The following RC3H2 variants were observed in gnomAD, a reference collection of about 807,000 sequenced individuals.
RC3H2 encodes ring finger and CCCH-type domains 2.
In RC3H2, 31 loss-of-function variants were observed where a neutral mutation model predicts 133.3. That is an observed-to-expected ratio of 0.23 (90% CI 0.17 to 0.31). The LOEUF is 0.31. Among genes scored for constraint, RC3H2 ranks in the 10% least tolerant of loss-of-function variants. The pLI is 1.00. For synonymous variants in RC3H2, 517 were observed against 502.2 expected (o/e 1.03, Z -0.40); for missense variants, 1,175 against 1,437.2 (o/e 0.82, Z 2.95).
chr9:122,882,111 GA>G (rs1831671319), intron 5 of RC3H2, among the ~76,000 whole-genome samples: 1 of 152,016 alleles, frequency 6.6e-6, no homozygotes, highest in African/African-American at 2.4e-5. Flanking sequence ...ATGAAAAGAA[GA>G]AATGTTCTGC....
chr9:122,861,285 G>A (rs1427763763), intron 10 of RC3H2, among the ~76,000 whole-genome samples: 1 of 151,992 alleles, frequency 6.6e-6, no homozygotes, highest in East Asian at 1.9e-4. Context: ...GAGGTTGGGA[G>A]TTCGCGACCA....
At position 122,851,140 on chromosome 9, in the gene RC3H2, C is replaced by T. The variant is rs969453014; in HGVS notation, c.3321G>A (p.Gln1107=). 1.2e-6 allele frequency: 2 copies of T among 1,614,070 alleles called. No individual in the cohort carries two copies. The highest frequency in any genetic ancestry group is 1.3e-5 in the African/African-American group (1 of 74,928). ...MAVENGHPVQ[Q]HQKEPPKQKK... Reference sequence around the variant, plus strand: ...TCTGCTTTGGTGGCTCCTTTTGGTGCTGCTGTACTGGATGCCCATTTTCCA... The same window carrying T: ...TCTGCTTTGGTGGCTCCTTTTGGTGTTGCTGTACTGGATGCCCATTTTCCA... Residue 1107 remains glutamine (Q), a synonymous_variant, in exon 20 of 21, where the codon CAG becomes CAA. Transcript: ENST00000357244.
At chr9:122,905,064 C>A in intron 1 of RC3H2, 46 bp downstream of exon 1, 1 of 983,262 alleles carries the variant, frequency 1.0e-6, no homozygotes, top group Non-Finnish European at 1.2e-6. Flanking sequence ...GGGGACCAGG[C>A]ACCCGGGCTG....
Position 122,847,086 on chromosome 9 carries a change from A to G in RC3H2, c.*2541T>C, listed in dbSNP as rs1385758401. 2 of 152,178 alleles carry G rather than the reference A, an allele frequency of 1.3e-5. No homozygotes were observed. Among genetic ancestry groups the G allele is most frequent in the Non-Finnish European group, 2.9e-5 (2 of 68,004 alleles). The allele number at this position is 152,178 out of a possible 1,614,324, so 9.4% of individuals were successfully genotyped here. Reference sequence around the variant, plus strand: ...TTATGGGATCACCTGCTGCAAGACAAGCATTATTTTAATATAAATGTTCTG... The same window carrying G: ...TTATGGGATCACCTGCTGCAAGACAGGCATTATTTTAATATAAATGTTCTG... On this transcript the variant is annotated 3_prime_UTR_variant, in exon 21 of 21. Transcript: ENST00000357244.
intron 11 of RC3H2, among the ~76,000 whole-genome samples, chr9:122,859,575 G>C (rs1211924419): frequency 6.6e-6 from 1 of 151,906 alleles, no homozygotes; most frequent in Non-Finnish European, 1.5e-5. Flanking sequence ...AACTTTTTTG[G>C]GAGCAGACGT....
At chr9:122,865,861 A>G (rs1830625344) in intron 9 of RC3H2, among the ~76,000 whole-genome samples, 1 of 152,106 alleles carries the variant, frequency 6.6e-6, no homozygotes. Flanking sequence ...ATTCACATAT[A>G]ATATACATGT....
intron 15 of RC3H2, 68 bp downstream of exon 15, chr9:122,855,116 T>TA (rs5900548): frequency 0.017 from 16,225 of 942,680 alleles, 22 homozygotes; most frequent in African/African-American, 0.027. Context: ...CTGTCTCAAT[T>TA]AAAAAAAAAA....
intron 11 of RC3H2, 49 bp downstream of exon 11, chr9:122,859,867 TA>T: frequency 7.2e-7 from 1 of 1,385,344 alleles, no homozygotes; most frequent in Non-Finnish European, 1.0e-6. Flanking sequence ...TTCATTTATC[TA>T]AAGGAAACAA....
At chr9:122,852,305 C>T (rs1193558860) in intron 18 of RC3H2, among the ~76,000 whole-genome samples, 4 of 150,308 alleles carry the variant, frequency 2.7e-5, no homozygotes, top group African/African-American at 4.8e-5. Context: ...GCCCGGCAGC[C>T]GCCCCGTCTG....
At chr9:122,885,476 G>T (rs1391227262) in intron 4 of RC3H2, among the ~76,000 whole-genome samples, 1 of 152,126 alleles carries the variant, frequency 6.6e-6, no homozygotes, top group Non-Finnish European at 1.5e-5. Flanking sequence ...GGCTACTGAG[G>T]TCCAGAGAAG....
chr9:122,858,280 G>C (rs1370241503), intron 12 of RC3H2, among the ~76,000 whole-genome samples, 187 bp from the exon 13 acceptor site: 1 of 152,154 alleles, frequency 6.6e-6, no homozygotes, highest in African/African-American at 2.4e-5. Context: ...GATGTTAAAC[G>C]CAGAATCTGA....
intron 9 of RC3H2, among the ~76,000 whole-genome samples, chr9:122,868,898 T>G (rs1255748376): frequency 1.3e-5 from 1 of 77,554 alleles, no homozygotes; most frequent in African/African-American, 4.6e-5. Context: ...TGTATGTGTT[T>G]TTTTTTTTTT....
chr9:122,858,040 T>G lies in RC3H2; in HGVS notation c.2337A>C (p.Pro779=), dbSNP rs1830317781. 1 of 1,614,118 alleles carries G rather than the reference T, an allele frequency of 6.2e-7. No individual in the cohort carries two copies. Among genetic ancestry groups the G allele is most frequent in the South Asian group, 1.1e-5 (1 of 91,094 alleles). The change falls in exon 13 of 21, where the codon CCA becomes CCC. Residue 779 remains proline, a synonymous_variant. Transcript: ENST00000357244. ...TSCEEQIRRK[P]DQWAQYHTQK... ...GAGTGTGGTACTGTGCCCACTGATC[T>G]GGCTTTCTTCTTATCTGCTCCTCGC... is the stretch of plus-strand genomic sequence containing the variant.
Position 122,855,843 on chromosome 9 carries a change from T to C in RC3H2, c.2490A>G (p.Glu830=). 1 of 1,613,486 alleles carries C rather than the reference T, an allele frequency of 6.2e-7. No individual in the cohort carries two copies. Among genetic ancestry groups the C allele is most frequent in the Non-Finnish European group, 8.5e-7 (1 of 1,179,656 alleles). The change falls in exon 14 of 21, where the codon GAA becomes GAG. Residue 830 remains glutamate (E), a synonymous_variant. Coordinates refer to ENST00000357244, the MANE Select transcript of RC3H2 (RefSeq NM_001100588.3). Reference sequence around the variant, plus strand: ...AGGGAGAATAATGGGAAAGATGATCTTCTTCAAATTTTGTACCACTCACAC... The same window carrying C: ...AGGGAGAATAATGGGAAAGATGATCCTCTTCAAATTTTGTACCACTCACAC... The part of the protein sequence containing the change: ...SESVSGTKFE[E]DHLSHYSPWS...
At chr9:122,867,941 TG>T (rs1471678596) in intron 9 of RC3H2, among the ~76,000 whole-genome samples, 1 of 12,862 alleles carries the variant, frequency 7.8e-5, no homozygotes, top group African/African-American at 1.8e-4. Flanking sequence ...GGGAGGGAGG[TG>T]GGGGGGTCAG....
intron 5 of RC3H2, 87 bp downstream of exon 5, chr9:122,883,117 C>T: frequency 4.0e-6 from 5 of 1,241,196 alleles, no homozygotes; most frequent in Non-Finnish European, 3.4e-6. Context: ...TTCTGCATTG[C>T]TAGGGCCTCT....
chr9:122,854,607 G>A lies in RC3H2; in HGVS notation c.2824C>T (p.Pro942Ser). Residue 942 changes from proline to serine, a missense_variant, in exon 16 of 21, where the codon CCT (proline) becomes TCT (serine). Coordinates refer to ENST00000357244, the MANE Select transcript of RC3H2 (RefSeq NM_001100588.3). ...CTTGAATCAACAGCATTGACATAAG[G>A]GACATAATCTACAGACATGTAGAAT... ...TKPISVSDYV[P>S]YVNAVDSRWS... 1.2e-6 allele frequency: 2 copies of A among 1,610,048 alleles called. No homozygotes were observed. The highest frequency in any genetic ancestry group is 1.7e-6 in the Non-Finnish European group (2 of 1,176,422).
intron 4 of RC3H2, 155 bp downstream of exon 4, chr9:122,890,157 C>A: frequency 1.5e-6 from 1 of 663,860 alleles, no homozygotes; most frequent in Non-Finnish European, 2.6e-6. Context: ...AACAAAACAG[C>A]AATAACAACA....
intron 12 of RC3H2, among the ~76,000 whole-genome samples, 167 bp downstream of exon 12, chr9:122,858,502 C>T (rs1039268074): frequency 1.3e-5 from 2 of 152,198 alleles, no homozygotes; most frequent in Non-Finnish European, 2.9e-5. Context: ...GAGGTAGGTA[C>T]TACTATTATT....
Sources: allele counts gnomAD v4.1 joint callset (sites outside exome capture counted in the v4.1 genomes callset), GRCh38; gene constraint gnomAD v4.1.1; transcripts MANE v1.5; gene names NCBI Gene and HGNC (gene_info 2026-07-23, HGNC 2026-07-21).